Variants in TSPAN1 observed in about 807,000 individuals in gnomAD.
The protein encoded by TSPAN1 is tetraspanin-1.
In TSPAN1, 23 loss-of-function variants were observed where a neutral mutation model predicts 26.9. That is an observed-to-expected ratio of 0.85 (90% confidence interval 0.62 to 1.21). The LOEUF (loss-of-function observed/expected upper bound fraction) is 1.21. TSPAN1 is among the 50% of genes most tolerant of loss of function. TSPAN1 has a pLI of 0.00. For missense variants in TSPAN1, 283 were observed against 298.4 expected (o/e 0.95, Z 0.38); for synonymous variants, 115 against 114.8 (o/e 1.00, Z -0.01).
At chr1:46,193,631 C>A in the TSPAN1 span, 2 of 1,614,078 alleles carry the variant, frequency 1.2e-6, no homozygotes, top group Non-Finnish European at 1.7e-6. Flanking sequence ...AAGCAGAGAG[C>A]GCAGCATCCT....
chr1:46,183,794 T>C (rs1657364310), intron 3 of TSPAN1: 2 of 271,282 alleles, frequency 7.4e-6, no homozygotes, highest in East Asian at 8.4e-5. Context: ...ACCACCCCCG[T>C]CTCCACCTAT....
Position 46,184,826 on chromosome 1 carries a change from G to T in TSPAN1, c.381G>T (p.Lys127Asn). Reference protein sequence around the residue: ...FLTLLVVPAIKKDYGSQEDFT... With the variant: ...FLTLLVVPAINKDYGSQEDFT... ...CGTTGCTGGTAGTGCCTGCCATCAA[G>T]AAAGATTATGGTTCCCAGGAAGACT... Residue 127 changes from lysine (K) to asparagine (N), a missense_variant, in exon 6 of 9, where the codon AAG becomes AAT. Lys to Asn is a moderately conservative substitution (Grantham distance 94). Coordinates refer to ENST00000372003, the MANE Select transcript of TSPAN1 (RefSeq NM_005727.4). 1 of 1,614,198 alleles carries T rather than the reference G, an allele frequency of 6.2e-7. No individual in the cohort carries two copies. The highest frequency in any genetic ancestry group is 1.6e-4 in the Middle Eastern group (1 of 6,062).
At chr1:46,188,627 T>C (rs1657499038), downstream of TSPAN1, 2 of 1,521,790 alleles carry the variant, frequency 1.3e-6, no homozygotes, top group East Asian at 4.5e-5. Context: ...AAGTATTCTC[T>C]CCACCACTTC....
intron 1 of TSPAN1, 193 bp downstream of exon 1, chr1:46,175,602 A>G (rs767792879): frequency 8.0e-5 from 32 of 399,020 alleles, no homozygotes; most frequent in Admixed American, 1.8e-4. Flanking sequence ...GATCAGAAAA[A>G]TCCCAGGTTG....
the TSPAN1 span, chr1:46,192,739 C>T: frequency 1.3e-6 from 2 of 1,594,572 alleles, no homozygotes; most frequent in Non-Finnish European, 1.7e-6. Context: ...CATTCATCCA[C>T]TGTACCTTCA....
downstream of TSPAN1, chr1:46,189,911 C>G: frequency 6.2e-7 from 1 of 1,614,078 alleles, no homozygotes; most frequent in Non-Finnish European, 8.5e-7. Context: ...GAATAAAGGC[C>G]ACGTAGGTGT....
downstream of TSPAN1, among the ~76,000 whole-genome samples, chr1:46,187,254 G>T (rs977363257): frequency 6.6e-5 from 10 of 152,352 alleles, no homozygotes; most frequent in Admixed American, 5.9e-4. Flanking sequence ...AGCACCTGGT[G>T]TAGTCCTGGC....
chr1:46,195,082 C>T, the TSPAN1 span: 1 of 864,472 alleles, frequency 1.2e-6, no homozygotes, highest in South Asian at 1.4e-5. Flanking sequence ...TTGCAATAAC[C>T]CTCTATGGTT....
intron 1 of TSPAN1, among the ~76,000 whole-genome samples, chr1:46,179,869 T>A (rs1475046094): frequency 6.6e-6 from 1 of 151,868 alleles, no homozygotes; most frequent in Non-Finnish European, 1.5e-5. Context: ...GGAAGAGGAT[T>A]AGGAACTATT....
the TSPAN1 span, chr1:46,194,893 G>A: frequency 1.2e-6 from 2 of 1,614,126 alleles, no homozygotes; most frequent in Admixed American, 1.7e-5. Context: ...CCAGGGCAGG[G>A]CCAGCCTGGC....
Position 46,185,629 on chromosome 1 carries a change from C to T in TSPAN1, c.*96C>T. The T allele has an allele frequency of 7.1e-7, 1 of 1,417,890 alleles. No homozygotes were observed. The highest frequency in any genetic ancestry group is 9.9e-7 in the Non-Finnish European group (1 of 1,015,102). The allele number at this position is 1,417,890 out of a possible 1,614,324, so 87.8% of individuals were successfully genotyped here. On this transcript the variant is annotated 3_prime_UTR_variant, in exon 9 of 9. Coordinates refer to ENST00000372003, the MANE Select transcript of TSPAN1 (RefSeq NM_005727.4). ...GATTGGGGGAGGGGACAGGATCTAA[C>T]AATGTCACTTGGGCCAGAATGGACC...
At chr1:46,194,286 G>A in the TSPAN1 span, 1 of 1,614,178 alleles carries the variant, frequency 6.2e-7, no homozygotes, top group Non-Finnish European at 8.5e-7. Context: ...GGTCAGGGCT[G>A]AACTCGATGG....
At chr1:46,180,009 A>G (rs3753363) in intron 1 of TSPAN1, among the ~76,000 whole-genome samples, 37,996 of 151,086 alleles carry the variant, frequency 0.25, 5,853 homozygotes, top group South Asian at 0.42. Flanking sequence ...GTGTGAGTGA[A>G]AGAGATACTT....
chr1:46,189,249 C>T (rs773913718), downstream of TSPAN1: 13 of 1,609,376 alleles, frequency 8.1e-6, no homozygotes, highest in African/African-American at 4.0e-5. Flanking sequence ...TACCCAGCCC[C>T]GCAGGGTCCT....
chr1:46,186,675 T>C (rs1325554086), downstream of TSPAN1, among the ~76,000 whole-genome samples: 4 of 140,338 alleles, frequency 2.9e-5, no homozygotes, highest in Middle Eastern at 3.5e-3. Flanking sequence ...TTTTTTTTTT[T>C]TTTTTTTTGA....
downstream of TSPAN1, among the ~76,000 whole-genome samples, chr1:46,187,489 C>T (rs995879355): frequency 6.6e-6 from 1 of 152,174 alleles, no homozygotes; most frequent in Non-Finnish European, 1.5e-5. Flanking sequence ...AGAACCACCA[C>T]CCCCTTGCTG....
At chr1:46,187,600 G>A (rs1461706736), downstream of TSPAN1, among the ~76,000 whole-genome samples, 3 of 152,164 alleles carry the variant, frequency 2.0e-5, no homozygotes, top group East Asian at 1.9e-4. Flanking sequence ...GACAGGGGGA[G>A]GAGCTAGCCT....
At chr1:46,186,488 CTTTTTTTTTTTT>C (rs751253861), downstream of TSPAN1, among the ~76,000 whole-genome samples, 1 of 130,120 alleles carries the variant, frequency 7.7e-6, no homozygotes, top group South Asian at 2.5e-4. Context: ...CTTTTCTTTT[CTTTTTTTTTTTT>C]TTTTTTTGGG....
At position 46,184,542 on chromosome 1, in the gene TSPAN1, G is replaced by A. The variant is rs769736405; in HGVS notation, c.265-52G>A. On this transcript the variant is annotated intron_variant, in intron 4 of 8. Transcript: ENST00000372003. ...TCCGGGGGGGGGATTAGGGCAAGGAGGGCATGAGGGACTGTCTCTCCCTAA... is the reference window on the plus strand; with the variant it reads ...TCCGGGGGGGGGATTAGGGCAAGGAAGGCATGAGGGACTGTCTCTCCCTAA... 32 of 1,607,282 alleles carry A rather than the reference G, an allele frequency of 2.0e-5. No homozygotes were observed. The Admixed American group carries it at 2.5e-4, about 13-fold the overall frequency.
Sources: gnomAD v4.1 joint callset for allele counts (sites outside exome capture counted in the v4.1 genomes callset) on GRCh38, gnomAD v4.1.1 for gene constraint, MANE v1.5 for transcripts, NCBI Gene and HGNC (gene_info 2026-07-23, HGNC 2026-07-21) for gene names.